The following FAM229B variants were observed in gnomAD, a reference collection of about 807,000 sequenced individuals.
FAM229B encodes the protein family with sequence similarity 229 member B.
A neutral mutation model predicts 6.7 loss-of-function variants in FAM229B; 2 were observed. The observed-to-expected ratio is 0.30, with a 90% CI of 0.12 to 0.94. The LOEUF (loss-of-function observed/expected upper bound fraction) is 0.94. Ranked by LOEUF, FAM229B falls within the 40% of genes least tolerant of loss-of-function variation. FAM229B has a pLI of 0.54. For synonymous variants in FAM229B, 29 were observed against 34.0 expected (o/e 0.85, Z 0.51); for missense variants, 93 against 96.2 (o/e 0.97, Z 0.14).
chr6:112,100,657 C>T lies in FAM229B; in HGVS notation c.126-13C>T. ...TTAGTATCTAACTACATGTCATCTGCTTTTTTATTCAGGCAACTCCGGAGG... is the reference window on the plus strand; with the variant it reads ...TTAGTATCTAACTACATGTCATCTGTTTTTTTATTCAGGCAACTCCGGAGG... On this transcript the variant is annotated splice_polypyrimidine_tract_variant and intron_variant, in intron 3 of 3. Coordinates refer to ENST00000368656, the MANE Select transcript of FAM229B (RefSeq NM_001033564.3). 1 of 1,590,726 alleles carries T rather than the reference C, an allele frequency of 6.3e-7. No individual in the cohort carries two copies.
At chr6:112,093,940 A>G (rs587760073) in intron 1 of FAM229B, among the ~76,000 whole-genome samples, 1 of 152,252 alleles carries the variant, frequency 6.6e-6, no homozygotes, top group South Asian at 2.1e-4. Flanking sequence ...TAAATATTGG[A>G]AAATTAAACA....
At chr6:112,099,833 G>A (rs1777373134) in intron 3 of FAM229B, among the ~76,000 whole-genome samples, 1 of 152,230 alleles carries the variant, frequency 6.6e-6, no homozygotes, top group Non-Finnish European at 1.5e-5. Context: ...ATGTCACTTT[G>A]GCTTTGATTA....
chr6:112,095,858 G>A (rs1039091936), intron 1 of FAM229B, among the ~76,000 whole-genome samples: 6 of 152,108 alleles, frequency 3.9e-5, no homozygotes, highest in East Asian at 3.9e-4. Flanking sequence ...CTGTGACACC[G>A]TCAGTTATTT....
chr6:112,099,503 C>T, intron 3 of FAM229B, 95 bp downstream of exon 3: 2 of 1,223,106 alleles, frequency 1.6e-6, no homozygotes, highest in South Asian at 3.5e-5. Flanking sequence ...AAAAAACTCT[C>T]AGCAATTCAA....
intron 1 of FAM229B, among the ~76,000 whole-genome samples, chr6:112,089,740 CAA>C (rs1280233603): frequency 6.6e-6 from 1 of 151,700 alleles, no homozygotes; most frequent in Non-Finnish European, 1.5e-5. Flanking sequence ...AAAATAATAA[CAA>C]TACTAGGCAA....
intron 1 of FAM229B, among the ~76,000 whole-genome samples, chr6:112,088,017 A>G (rs1430909269): frequency 3.9e-5 from 6 of 152,252 alleles, no homozygotes; most frequent in African/African-American, 1.4e-4. Flanking sequence ...CACAGACCCA[A>G]CCAGTATTTG....
intron 2 of FAM229B, 109 bp from the exon 3 acceptor site, chr6:112,099,161 C>A: frequency 1.0e-6 from 1 of 977,426 alleles, no homozygotes; most frequent in Non-Finnish European, 1.5e-6. Context: ...CATAGTGAGA[C>A]TCTGACTCTT....
At chr6:112,096,811 G>A (rs1006652974) in intron 1 of FAM229B, among the ~76,000 whole-genome samples, 14 of 152,080 alleles carry the variant, frequency 9.2e-5, no homozygotes, top group African/African-American at 3.4e-4. Flanking sequence ...AGAAGGTCTG[G>A]GAGAGAAAGG....
rs911940128 is a variant in FAM229B at position 112,102,138 on chromosome 6, A to T, written c.*1351A>T. On this transcript the variant is annotated 3_prime_UTR_variant, in exon 4 of 4. Transcript: ENST00000368656. ...GGAAGAAAACAAAATCGAGGCAGGA[A>T]ATTGCCTGAGGCTGGAGAAAAAATG... 4 of 152,208 alleles carry T rather than the reference A, an allele frequency of 2.6e-5. No homozygotes were observed. Among genetic ancestry groups the T allele is most frequent in the Non-Finnish European group, 5.9e-5 (4 of 68,058 alleles). 9.4% of individuals were successfully genotyped at this position (152,208 alleles called of 1,614,324 possible). A position where few individuals can be genotyped will look rare whatever the true frequency, so the allele number is the denominator to read the frequency against.
intron 1 of FAM229B, among the ~76,000 whole-genome samples, chr6:112,096,481 G>A (rs1295992056): frequency 6.6e-6 from 1 of 152,086 alleles, no homozygotes; most frequent in Admixed American, 6.5e-5. Flanking sequence ...GTGTGAACAG[G>A]TGAGGCAGAG....
At chr6:112,095,661 C>CAAAAAAAAAAAAAAAAAAAAAAAAA (rs1562610441) in intron 1 of FAM229B, among the ~76,000 whole-genome samples, 1 of 95,964 alleles carries the variant, frequency 1.0e-5, no homozygotes, top group African/African-American at 4.2e-5. Context: ...AAAAAAAAAA[C>CAAAAAAAAAAAAAAAAAAAAAAAAA]CAAAAAAAAA....
intron 1 of FAM229B, among the ~76,000 whole-genome samples, chr6:112,094,112 C>T (rs1288361597): frequency 1.3e-5 from 2 of 151,428 alleles, no homozygotes; most frequent in African/African-American, 4.9e-5. Flanking sequence ...GAAGAAAGCA[C>T]TAAAATTAAT....
At chr6:112,094,768 T>A (rs1777300694) in intron 1 of FAM229B, among the ~76,000 whole-genome samples, 2 of 152,194 alleles carry the variant, frequency 1.3e-5, no homozygotes. Flanking sequence ...CAAATATCAC[T>A]CATTTTCTGC....
At chr6:112,094,095 T>G (rs1777291605) in intron 1 of FAM229B, among the ~76,000 whole-genome samples, 1 of 152,044 alleles carries the variant, frequency 6.6e-6, no homozygotes, top group Non-Finnish European at 1.5e-5. Flanking sequence ...ATGTTTACAT[T>G]AGAAAAGAAG....
At chr6:112,088,978 G>A (rs1329977167) in intron 1 of FAM229B, among the ~76,000 whole-genome samples, 2 of 152,156 alleles carry the variant, frequency 1.3e-5, no homozygotes, top group Admixed American at 6.5e-5. Flanking sequence ...CAGACTGAGA[G>A]ACAGTTCTGC....
At position 112,092,428 on chromosome 6, in the gene FAM229B, A is replaced by T. The variant is rs369809666; in HGVS notation, c.-175-4613A>T. Among the ~76,000 whole-genome samples the T allele has an allele frequency of 2.6e-5, 4 of 152,204 alleles. No homozygotes were observed. In the South Asian group the frequency reaches 8.3e-4, roughly 32 times the overall value. On this transcript the variant is annotated intron_variant, in intron 1 of 3. Transcript: ENST00000368656. ...CAAATCTTTAAAGTACCTAAAGAAA[A>T]CAAAACTGCTAATTGAGAATTCTAT...
chr6:112,099,482 T>C (rs17073343), intron 3 of FAM229B, 74 bp downstream of exon 3: 1 of 1,392,878 alleles, frequency 7.2e-7, no homozygotes, highest in Non-Finnish European at 9.7e-7. Context: ...CTGATATTCA[T>C]TATTAGCAAG....
At chr6:112,088,808 G>A (rs1554317858) in intron 1 of FAM229B, among the ~76,000 whole-genome samples, 1 of 152,214 alleles carries the variant, frequency 6.6e-6, no homozygotes, top group Admixed American at 6.5e-5. Context: ...TTTGTAGGCA[G>A]TGATGTGAAT....
intron 1 of FAM229B, among the ~76,000 whole-genome samples, chr6:112,095,662 C>CAAAAAAAAAAAAAAAA (rs376039549): frequency 1.3e-5 from 1 of 77,904 alleles, no homozygotes; most frequent in Non-Finnish European, 2.7e-5. Flanking sequence ...AAAAAAAAAC[C>CAAAAAAAAAAAAAAAA]AAAAAAAAAA....
Sources: allele counts gnomAD v4.1 joint callset (sites outside exome capture counted in the v4.1 genomes callset), GRCh38; gene constraint gnomAD v4.1.1; transcripts MANE v1.5; gene names NCBI Gene and HGNC (gene_info 2026-07-23, HGNC 2026-07-21).